AFF1: variants seen among roughly 807,000 people sequenced by gnomAD.
AFF1 encodes the protein ALF transcription elongation factor 1, also known as AF4/FMR2 family member 1.
A neutral mutation model predicts 121.7 loss-of-function variants in AFF1; 48 were observed. That is an observed-to-expected ratio of 0.39 (90% CI 0.31 to 0.50). AFF1 has a LOEUF of 0.50. AFF1 is among the 20% of genes least tolerant of loss of function. AFF1 has a pLI of 0.76. For synonymous variants in AFF1, 613 were observed against 563.0 expected, an observed-to-expected ratio of 1.09 and a Z score of -1.26; for missense variants, 1,523 against 1,511.7, an observed-to-expected ratio of 1.01 and a Z score of -0.12.
At chr4:86,976,455 T>C (rs1282182595) in intron 2 of AFF1, among the ~76,000 whole-genome samples, 1 of 152,038 alleles carries the variant, frequency 6.6e-6, no homozygotes, top group Admixed American at 6.6e-5. Context: ...AAGAATGAGA[T>C]CATGTCCTTT....
At chr4:87,081,761 C>T (rs1247901633) in intron 4 of AFF1, among the ~76,000 whole-genome samples, 1 of 152,146 alleles carries the variant, frequency 6.6e-6, no homozygotes, top group Non-Finnish European at 1.5e-5. Flanking sequence ...AGTAAATTAA[C>T]CAACTAATGC....
chr4:87,129,894 C>T (rs1728646732), intron 16 of AFF1, among the ~76,000 whole-genome samples: 1 of 152,156 alleles, frequency 6.6e-6, no homozygotes, highest in African/African-American at 2.4e-5. Context: ...CATGACAGCC[C>T]ATACCGCTCT....
chr4:87,058,891 A>G (rs1457739923), intron 4 of AFF1, among the ~76,000 whole-genome samples: 2 of 152,074 alleles, frequency 1.3e-5, no homozygotes, highest in Non-Finnish European at 2.9e-5. Context: ...AGTGGACTGT[A>G]TTGGATGAAT....
chr4:86,988,529 A>C (rs996108814), intron 2 of AFF1, among the ~76,000 whole-genome samples: 1 of 152,200 alleles, frequency 6.6e-6, no homozygotes, highest in African/African-American at 2.4e-5. Context: ...CCACTGCTCA[A>C]GGAAATAAGA....
intron 2 of AFF1, among the ~76,000 whole-genome samples, chr4:86,955,957 T>G (rs569711202): frequency 1.3e-5 from 2 of 152,222 alleles, no homozygotes; most frequent in Non-Finnish European, 2.9e-5. Flanking sequence ...TTCAACAGAT[T>G]AACACCTATT....
rs541379245 is a variant in AFF1, at chr4:87,021,484, T to A, written c.39-24682T>A. ...GTGGAATCATATTTCTATAGGTGAT[T>A]TACATCTGGCTTTAGGCAGAAGCAG... On this transcript the variant is annotated intron_variant, in intron 2 of 20. Coordinates refer to ENST00000395146, the MANE Select transcript of AFF1 (RefSeq NM_001166693.3). Among the ~76,000 whole-genome samples the A allele has an allele frequency of 2.6e-5, 4 of 152,352 alleles. No individual in the cohort carries two copies. In the South Asian group the frequency reaches 8.3e-4, roughly 32 times the overall value.
At chr4:87,131,769 A>T in intron 17 of AFF1, 24 bp from the exon 18 acceptor site, 1 of 1,550,828 alleles carries the variant, frequency 6.4e-7, no homozygotes, top group Non-Finnish European at 8.8e-7. Context: ...TTAAAACCTG[A>T]TGTACTTTTA....
chr4:87,077,909 TTC>T lies in AFF1; in HGVS notation c.1060-6210_1060-6209del, dbSNP rs557796211. ...ACCTGTAGATACACATTTAGATTGTTTCCAGTATCTTGCTATTTGCAAACTAG... is the reference window on the plus strand; with the variant it reads ...ACCTGTAGATACACATTTAGATTGTTCAGTATCTTGCTATTTGCAAACTAG... On this transcript the variant is annotated intron_variant, in intron 4 of 20. Coordinates refer to ENST00000395146, the MANE Select transcript of AFF1 (RefSeq NM_001166693.3). 2.0e-5 allele frequency among the ~76,000 whole-genome samples: 3 copies of T among 152,348 alleles called. No homozygotes were observed. The South Asian group carries it at 6.2e-4, about 32-fold the overall frequency.
At position 86,952,843 on chromosome 4, in the gene AFF1, G is replaced by C. The variant is rs78653167; in HGVS notation, c.38+4272G>C. Among the ~76,000 whole-genome samples the C allele has an allele frequency of 8.8e-3, 1,327 of 150,882 alleles. 78 individuals carry two copies. In the East Asian group the frequency reaches 0.14, roughly 16 times the overall value. On this transcript the variant is annotated intron_variant, in intron 2 of 20. Coordinates refer to ENST00000395146, the MANE Select transcript of AFF1 (RefSeq NM_001166693.3). ...CTACAGGCACCCACCACCACGCCCGGCTACTTTTTGTATTTTGTATTTTTT... is the reference window on the plus strand; with the variant it reads ...CTACAGGCACCCACCACCACGCCCGCCTACTTTTTGTATTTTGTATTTTTT...
chr4:87,041,996 C>T (rs1466656162), intron 2 of AFF1, among the ~76,000 whole-genome samples: 1 of 145,096 alleles, frequency 6.9e-6, no homozygotes, highest in African/African-American at 2.6e-5. Context: ...GGCGACAGAG[C>T]GAGACTCCAT....
At chr4:87,039,492 G>A (rs1303775510) in intron 2 of AFF1, among the ~76,000 whole-genome samples, 3 of 152,194 alleles carry the variant, frequency 2.0e-5, no homozygotes, top group Non-Finnish European at 2.9e-5. Context: ...TAGTGGATTC[G>A]GTCAGTGAAA....
At chr4:87,039,283 C>T (rs767315) in intron 2 of AFF1, among the ~76,000 whole-genome samples, 32,712 of 152,100 alleles carry the variant, frequency 0.22, 3,715 homozygotes, top group East Asian at 0.32. Context: ...TAAACACATC[C>T]ATCCCTACCC....
chr4:86,950,715 C>A (rs530341511), intron 2 of AFF1, among the ~76,000 whole-genome samples: 1 of 152,136 alleles, frequency 6.6e-6, no homozygotes, highest in Non-Finnish European at 1.5e-5. Flanking sequence ...TTACTCTCTC[C>A]CCTCACCAAA....
intron 1 of AFF1, among the ~76,000 whole-genome samples, chr4:86,939,083 G>A (rs750079102): frequency 2.6e-5 from 4 of 152,056 alleles, no homozygotes; most frequent in Non-Finnish European, 5.9e-5. Flanking sequence ...TGAGCCAGAC[G>A]GTATCCTAAG....
rs140176505 is a variant in AFF1, at chr4:87,115,185, C to T, written c.2352C>T (p.Pro784=). The change falls in exon 12 of 21, where the codon CCC becomes CCT. Residue 784 remains proline (P), a synonymous_variant. Coordinates refer to ENST00000395146, the MANE Select transcript of AFF1 (RefSeq NM_001166693.3). ...TGCTCTCTCGGATACCCCAGCCTCC[C>T]GGGAAGGGGAGCCGCCAGAGGAAAG... ...LDLLSRIPQP[P]GKGSRQRKAE... is the part of the protein sequence containing the mutation. 1.5e-4 allele frequency: 240 copies of T among 1,614,140 alleles called. No individual in the cohort carries two copies. In the African/African-American group the frequency reaches 2.4e-3, roughly 16 times the overall value.
At chr4:86,987,646 A>T (rs1396503736) in intron 2 of AFF1, among the ~76,000 whole-genome samples, 1 of 152,116 alleles carries the variant, frequency 6.6e-6, no homozygotes, top group African/African-American at 2.4e-5. Flanking sequence ...GCAAGTTATT[A>T]TTTGTGTTTT....
At chr4:87,082,199 T>G (rs1443105935) in intron 4 of AFF1, among the ~76,000 whole-genome samples, 1 of 152,178 alleles carries the variant, frequency 6.6e-6, no homozygotes, top group Non-Finnish European at 1.5e-5. Flanking sequence ...GTTCTATTGA[T>G]TCACCTTCGA....
intron 2 of AFF1, among the ~76,000 whole-genome samples, chr4:87,037,964 A>G (rs1395172065): frequency 1.3e-5 from 2 of 148,354 alleles, no homozygotes; most frequent in Non-Finnish European, 3.0e-5. Flanking sequence ...ATGGGGTCAC[A>G]TAAAACTTTA....
In AFF1 at chr4:87,114,632, A is replaced by T; in HGVS notation, c.1799A>T (p.Glu600Val). 7.1e-7 allele frequency: 1 copy of T among 1,408,972 alleles called. No homozygotes were observed. The allele number at this position is 1,408,972 out of a possible 1,614,324, so 87.3% of individuals were successfully genotyped here. The change falls in exon 12 of 21, where the codon GAG becomes GTG. Residue 600 changes from glutamate to valine, a missense_variant. Glu to Val is a moderately radical substitution (Grantham distance 121, BLOSUM62 -2). Coordinates refer to ENST00000395146, the MANE Select transcript of AFF1 (RefSeq NM_001166693.3). ...TGTCAGAAGTCTCCGGCACAGCAGG[A>T]GCCCCCACAAAGGCAAACCGTTGGA... ...RSCQKSPAQQ[E>V]PPQRQTVGTK...
Sources: allele counts gnomAD v4.1 joint callset (sites outside exome capture counted in the v4.1 genomes callset), GRCh38; gene constraint gnomAD v4.1.1; transcripts MANE v1.5; gene names NCBI Gene and HGNC (gene_info 2026-07-23, HGNC 2026-07-21).